The following CSMD1 variants were observed in gnomAD, a reference collection of about 807,000 sequenced individuals.
The protein encoded by CSMD1 is CUB and Sushi multiple domains 1, also known as CUB and sushi domain-containing protein 1.
In CSMD1, 213 loss-of-function variants were observed where a neutral mutation model predicts 417.5. The observed-to-expected ratio is 0.51, with a 90% confidence interval of 0.46 to 0.57. The LOEUF is 0.57. CSMD1 is among the 20% of genes least tolerant of loss of function. The probability of loss-of-function intolerance (pLI) is 0.00; values close to 1 mark genes in which losing one functional copy is unlikely to be tolerated. For missense variants in CSMD1, 6,923 were observed against 4,529.7 expected, an observed-to-expected ratio of 1.53 and a Z score of -15.17; for synonymous variants, 2,862 against 1,736.8, an observed-to-expected ratio of 1.65 and a Z score of -16.11.
At chr8:4,759,752 T>C (rs984184764) in intron 1 of CSMD1, among the ~76,000 whole-genome samples, 17 of 152,222 alleles carry the variant, frequency 1.1e-4, no homozygotes, top group African/African-American at 4.1e-4. Context: ...TCTCATTCAT[T>C]TTTATGGCTG....
chr8:4,233,459 T>G (rs896444307), intron 3 of CSMD1, among the ~76,000 whole-genome samples: 1 of 152,164 alleles, frequency 6.6e-6, no homozygotes, highest in Non-Finnish European at 1.5e-5. Context: ...GATGGGACCT[T>G]TGGAAATGCT....
intron 3 of CSMD1, among the ~76,000 whole-genome samples, chr8:4,368,757 T>A (rs775924967): frequency 6.6e-6 from 1 of 152,144 alleles, no homozygotes; most frequent in Non-Finnish European, 1.5e-5. Context: ...TATACAGAGG[T>A]GCTCATAATA....
intron 3 of CSMD1, among the ~76,000 whole-genome samples, chr8:4,242,452 A>G (rs1802457789): frequency 6.6e-6 from 1 of 152,206 alleles, no homozygotes; most frequent in Non-Finnish European, 1.5e-5. Context: ...CTATAATAGG[A>G]CTATTGTTGT....
intron 1 of CSMD1, among the ~76,000 whole-genome samples, chr8:4,809,227 A>G (rs945174376): frequency 6.6e-6 from 1 of 152,258 alleles, no homozygotes; most frequent in Admixed American, 6.5e-5. Context: ...GAGAAAAGAT[A>G]GAGTTTTATG....
intron 3 of CSMD1, among the ~76,000 whole-genome samples, chr8:4,175,528 T>C (rs1451258355): frequency 1.3e-5 from 2 of 151,502 alleles, no homozygotes; most frequent in Non-Finnish European, 3.0e-5. Flanking sequence ...AGAAGCCCAA[T>C]GGATAAATGT....
chr8:3,179,135 C>T (rs1446155850), intron 37 of CSMD1, among the ~76,000 whole-genome samples: 61 of 151,048 alleles, frequency 4.0e-4, no homozygotes, highest in South Asian at 6.4e-4. Context: ...TTAGTAGATA[C>T]GGGGTTTCAA....
chr8:4,993,556 C>A (rs1164355146), intron 1 of CSMD1, among the ~76,000 whole-genome samples: 1 of 152,136 alleles, frequency 6.6e-6, no homozygotes, highest in Non-Finnish European at 1.5e-5. Context: ...CTCACAGAGC[C>A]CCAAGCCCAG....
At chr8:3,928,013 T>A (rs1203975710) in intron 5 of CSMD1, among the ~76,000 whole-genome samples, 2 of 152,166 alleles carry the variant, frequency 1.3e-5, no homozygotes, top group Non-Finnish European at 2.9e-5. Context: ...AATATTATCT[T>A]TTCTAATTGA....
At chr8:4,359,692 G>A (rs1196186967) in intron 3 of CSMD1, among the ~76,000 whole-genome samples, 5 of 152,160 alleles carry the variant, frequency 3.3e-5, no homozygotes, top group African/African-American at 1.2e-4. Flanking sequence ...CAGCCCTCTG[G>A]GTTTTAGTGT....
chr8:4,556,242 G>A (rs1252606450), intron 2 of CSMD1, among the ~76,000 whole-genome samples: 2 of 152,018 alleles, frequency 1.3e-5, no homozygotes, highest in Non-Finnish European at 2.9e-5. Context: ...TTTCTCCCAG[G>A]AAAATGAAAG....
intron 5 of CSMD1, among the ~76,000 whole-genome samples, chr8:3,949,015 C>A (rs1585017607): frequency 6.6e-6 from 1 of 151,906 alleles, no homozygotes; most frequent in Non-Finnish European, 1.5e-5. Context: ...TGTATTAAAT[C>A]TGAACTAGAA....
At chr8:3,754,491 G>A (rs1459574918) in intron 5 of CSMD1, among the ~76,000 whole-genome samples, 1 of 151,376 alleles carries the variant, frequency 6.6e-6, no homozygotes, top group Non-Finnish European at 1.5e-5. Flanking sequence ...GTCTCACTGT[G>A]TCATCCAGGC....
At chr8:4,007,040 G>A (rs1040261567) in intron 4 of CSMD1, among the ~76,000 whole-genome samples, 16 of 151,710 alleles carry the variant, frequency 1.1e-4, no homozygotes, top group African/African-American at 2.4e-4. Flanking sequence ...GGGTTTCACC[G>A]TGTTAGCCAG....
intron 1 of CSMD1, among the ~76,000 whole-genome samples, chr8:4,963,386 G>C (rs971405377): frequency 2.0e-5 from 3 of 151,956 alleles, no homozygotes; most frequent in South Asian, 2.1e-4. Context: ...TTTTAGTAGA[G>C]ACGAGGTTTC....
intron 5 of CSMD1, among the ~76,000 whole-genome samples, chr8:3,779,776 C>A (rs1301509258): frequency 1.3e-5 from 2 of 152,174 alleles, no homozygotes; most frequent in African/African-American, 2.4e-5. Context: ...TCCTCATGCT[C>A]CTTCCAGAAG....
At position 4,490,659 on chromosome 8, in the gene CSMD1, A is replaced by G. The variant is rs2130206895; in HGVS notation, c.303-70594T>C. Among the ~76,000 whole-genome samples the G allele has an allele frequency of 1.3e-5, 2 of 152,254 alleles. 1 individual carries two copies. Among genetic ancestry groups the G allele is most frequent in the South Asian group, 4.1e-4 (2 of 4,822 alleles). On this transcript the variant is annotated intron_variant, in intron 2 of 69. Transcript: ENST00000635120. ...AATGCCCATTTGACCCATGCTCAGA[A>G]TGGTCTTAATATACAGAAGAGACAA...
At chr8:4,129,892 A>G (rs919537542) in intron 3 of CSMD1, among the ~76,000 whole-genome samples, 4 of 152,078 alleles carry the variant, frequency 2.6e-5, no homozygotes, top group African/African-American at 7.2e-5. Flanking sequence ...TGTGAATATA[A>G]TATATCCTTT....
intron 2 of CSMD1, among the ~76,000 whole-genome samples, chr8:4,453,257 C>T (rs1011945386): frequency 4.6e-5 from 7 of 150,854 alleles, no homozygotes; most frequent in African/African-American, 1.7e-4. Context: ...AACCTCCTAG[C>T]TGTACCTAAT....
intron 12 of CSMD1, among the ~76,000 whole-genome samples, chr8:3,428,457 T>G (rs1037180955): frequency 6.6e-6 from 1 of 152,086 alleles, no homozygotes; most frequent in Admixed American, 6.5e-5. Context: ...CACCCCAAAC[T>G]GTTTATACTG....
Sources: gnomAD v4.1 joint callset for allele counts (sites outside exome capture counted in the v4.1 genomes callset) on GRCh38, gnomAD v4.1.1 for gene constraint, MANE v1.5 for transcripts, NCBI Gene and HGNC (gene_info 2026-07-23, HGNC 2026-07-21) for gene names.